The following CSMD1 variants were observed in gnomAD, a reference collection of about 807,000 sequenced individuals.
CSMD1 encodes the protein CUB and sushi domain-containing protein 1.
A neutral mutation model predicts 417.5 loss-of-function variants in CSMD1; 213 were observed. The ratio of observed to expected loss-of-function variants is 0.51; its 90% CI spans 0.46 to 0.57. The LOEUF is 0.57. CSMD1 is among the 20% of genes least tolerant of loss of function. CSMD1 has a pLI of 0.00. For missense variants in CSMD1, 6,923 were observed against 4,529.7 expected, an observed-to-expected ratio of 1.53 and a Z score of -15.17; for synonymous variants, 2,862 against 1,736.8, an observed-to-expected ratio of 1.65 and a Z score of -16.11.
At chr8:3,172,390 T>C (rs1304787810) in intron 37 of CSMD1, among the ~76,000 whole-genome samples, 1 of 152,228 alleles carries the variant, frequency 6.6e-6, no homozygotes, top group African/African-American at 2.4e-5. Flanking sequence ...GGGATACTTT[T>C]AATCTGAGGC....
At chr8:3,213,468 G>A (rs575846017) in intron 30 of CSMD1, among the ~76,000 whole-genome samples, 1 of 152,176 alleles carries the variant, frequency 6.6e-6, no homozygotes, top group African/African-American at 2.4e-5. Flanking sequence ...ACTCTTCCCA[G>A]TTCACACCCA....
intron 3 of CSMD1, among the ~76,000 whole-genome samples, chr8:4,211,845 G>C (rs1800330669): frequency 6.6e-6 from 1 of 152,124 alleles, no homozygotes; most frequent in Admixed American, 6.6e-5. Context: ...TTGAGGGTGA[G>C]AAAACACTAA....
intron 3 of CSMD1, among the ~76,000 whole-genome samples, chr8:4,107,530 T>C (rs1005444738): frequency 6.6e-6 from 1 of 152,216 alleles, no homozygotes; most frequent in African/African-American, 2.4e-5. Flanking sequence ...AATTGATATC[T>C]GGGCTAATTT....
chr8:3,127,388 A>C (rs1195244733), intron 41 of CSMD1: 2 of 152,180 alleles, frequency 1.3e-5, no homozygotes, highest in Non-Finnish European at 2.9e-5. Context: ...GCAGTTTTAG[A>C]AGCATATCAA....
chr8:4,947,545 T>A (rs901817703), intron 1 of CSMD1, among the ~76,000 whole-genome samples: 3 of 152,112 alleles, frequency 2.0e-5, no homozygotes, highest in East Asian at 1.9e-4. Flanking sequence ...GGTGGCATGA[T>A]AATTCTCTGA....
chr8:3,597,824 C>T (rs540417264), intron 8 of CSMD1, among the ~76,000 whole-genome samples: 3 of 151,724 alleles, frequency 2.0e-5, no homozygotes, highest in East Asian at 2.0e-4. Flanking sequence ...CATCACACAC[C>T]GGGGCCTGTC....
At chr8:4,099,237 T>G (rs73173828) in intron 3 of CSMD1, among the ~76,000 whole-genome samples, 1 of 151,642 alleles carries the variant, frequency 6.6e-6, no homozygotes, top group African/African-American at 2.4e-5. Context: ...TTCTAATTCC[T>G]TCCCTCTTCA....
chr8:3,207,664 T>C (rs181359469), intron 30 of CSMD1, among the ~76,000 whole-genome samples: 2 of 152,096 alleles, frequency 1.3e-5, no homozygotes. Context: ...TTGAAAAACT[T>C]AAGTTGTATT....
At chr8:3,269,012 G>A (rs1289753479) in intron 26 of CSMD1, among the ~76,000 whole-genome samples, 2 of 152,192 alleles carry the variant, frequency 1.3e-5, no homozygotes, top group East Asian at 1.9e-4. Context: ...CATTTTACAT[G>A]TCTTGATTCT....
chr8:4,719,151 G>A (rs7001852), intron 1 of CSMD1, among the ~76,000 whole-genome samples: 5,652 of 152,212 alleles, frequency 0.037, 110 homozygotes, highest in East Asian at 0.082. Flanking sequence ...ATGATGGCCT[G>A]GAGAAAGGCA....
chr8:4,087,057 AG>A (rs1412102913), intron 3 of CSMD1, among the ~76,000 whole-genome samples: 1 of 152,216 alleles, frequency 6.6e-6, no homozygotes, highest in Admixed American at 6.5e-5. Flanking sequence ...GCCTTGGGCT[AG>A]CCCAAGAGAG....
chr8:4,567,561 C>T (rs1233663073), intron 2 of CSMD1, among the ~76,000 whole-genome samples: 1 of 152,136 alleles, frequency 6.6e-6, no homozygotes, highest in Non-Finnish European at 1.5e-5. Context: ...CATTAAGTGT[C>T]TGAATTAGTC....
intron 10 of CSMD1, among the ~76,000 whole-genome samples, chr8:3,527,137 G>A (rs909697804): frequency 1.3e-5 from 2 of 151,836 alleles, no homozygotes; most frequent in East Asian, 1.9e-4. Flanking sequence ...ATGAGCCCTC[G>A]GATGTCTCTC....
intron 5 of CSMD1, among the ~76,000 whole-genome samples, chr8:3,803,008 G>C (rs1160169520): frequency 6.6e-6 from 1 of 152,204 alleles, no homozygotes; most frequent in African/African-American, 2.4e-5. Context: ...ATTTCCTTTT[G>C]TAATGATAAG....
At chr8:3,429,090 T>G (rs533144200) in intron 12 of CSMD1, among the ~76,000 whole-genome samples, 15 of 152,092 alleles carry the variant, frequency 9.9e-5, no homozygotes, top group African/African-American at 3.6e-4. Context: ...GGGTCTCAGG[T>G]AGAAGTAAGA....
intron 2 of CSMD1, among the ~76,000 whole-genome samples, chr8:4,573,050 A>G (rs940874111): frequency 3.3e-5 from 5 of 152,108 alleles, no homozygotes; most frequent in Non-Finnish European, 4.4e-5. Flanking sequence ...TCTTCCTTGT[A>G]TTGGGTTAGA....
chr8:4,898,771 G>A (rs957380957), intron 1 of CSMD1, among the ~76,000 whole-genome samples: 14 of 152,080 alleles, frequency 9.2e-5, no homozygotes, highest in Non-Finnish European at 1.8e-4. Flanking sequence ...TTGGAAGCGG[G>A]GGGAAGTGAA....
chr8:3,301,286 T>C (rs1352860553), intron 25 of CSMD1, among the ~76,000 whole-genome samples: 2 of 151,924 alleles, frequency 1.3e-5, no homozygotes, highest in Non-Finnish European at 2.9e-5. Flanking sequence ...GTTAGGAGGG[T>C]CTACCCAGCG....
At position 3,359,350 on chromosome 8, in the gene CSMD1, G is replaced by A; in HGVS notation, c.3116-10C>T. 2 of 1,609,790 alleles carry A rather than the reference G, an allele frequency of 1.2e-6. No homozygotes were observed. The highest frequency in any genetic ancestry group is 1.7e-6 in the Non-Finnish European group (2 of 1,177,228). On this transcript the variant is annotated splice_polypyrimidine_tract_variant and intron_variant, in intron 20 of 69. Transcript: ENST00000635120. Reference sequence around the variant, plus strand: ...GGCTCCAGGTCATATTCTGAGGCATGCAGAGACAGAGTAAATGCATGAGGA... The same window carrying A: ...GGCTCCAGGTCATATTCTGAGGCATACAGAGACAGAGTAAATGCATGAGGA...
Sources: gnomAD v4.1 joint callset for allele counts (sites outside exome capture counted in the v4.1 genomes callset) on GRCh38, gnomAD v4.1.1 for gene constraint, MANE v1.5 for transcripts, NCBI Gene and HGNC (gene_info 2026-07-23, HGNC 2026-07-21) for gene names.